NOX4: variants seen among roughly 807,000 people sequenced by gnomAD.
NOX4 encodes the protein NADPH oxidase 4, also known as kidney oxidase-1.
NOX4 carries 69 observed loss-of-function variants against 87.6 expected under a neutral mutation model. The observed-to-expected ratio is 0.79, with a 90% confidence interval of 0.65 to 0.96. NOX4 has a LOEUF of 0.96. NOX4 is among the 40% of genes least tolerant of loss of function. The pLI is 0.00. For synonymous variants in NOX4, 275 were observed against 238.2 expected (o/e 1.15, Z -1.42); for missense variants, 680 against 681.5 (o/e 1.00, Z 0.02).
chr11:89,558,287 C>T, the NOX4 span, among the ~76,000 whole-genome samples: 2 of 152,046 alleles, frequency 1.3e-5, no homozygotes, highest in East Asian at 1.9e-4. Flanking sequence ...TGTACTGTTA[C>T]CCCAATTTAA....
chr11:89,529,431 C>A, the NOX4 span, among the ~76,000 whole-genome samples: 30 of 152,178 alleles, frequency 2.0e-4, no homozygotes, highest in African/African-American at 6.7e-4. Flanking sequence ...AGTGAAGTAG[C>A]CTGATTACAC....
chr11:89,540,123 A>G, the NOX4 span, among the ~76,000 whole-genome samples: 1 of 152,198 alleles, frequency 6.6e-6, no homozygotes, highest in Non-Finnish European at 1.5e-5. Context: ...TACATGCAAC[A>G]TAAAATGCCA....
intron 12 of NOX4, among the ~76,000 whole-genome samples, chr11:89,359,732 C>T (rs1938371425): frequency 6.6e-6 from 1 of 151,810 alleles, no homozygotes; most frequent in South Asian, 2.1e-4. Flanking sequence ...AGGTAATCCC[C>T]CTTCCCTAAC....
Position 89,432,850 on chromosome 11 carries a change from C to T in NOX4, c.482G>A (p.Gly161Asp). ...CACCACCATGCAGACCCCTGTCAGG[C>T]CAGGAACTATAAAAATGTATACAAG... ...PRKLLFTTVP[G>D]LTGVCMVVVL... Residue 161 changes from glycine (G) to aspartate (D), a missense_variant, in exon 7 of 18, where the codon GGC (glycine) becomes GAC (aspartate). By Grantham distance (94) the Gly-to-Asp change is moderately conservative (BLOSUM62 -1). Coordinates refer to ENST00000263317, the MANE Select transcript of NOX4 (RefSeq NM_016931.5). 6.2e-7 allele frequency: 1 copy of T among 1,608,482 alleles called. No homozygotes were observed. The highest frequency in any genetic ancestry group is 8.5e-7 in the Non-Finnish European group (1 of 1,175,766).
chr11:89,543,796 C>G, the NOX4 span, among the ~76,000 whole-genome samples: 1 of 151,950 alleles, frequency 6.6e-6, no homozygotes, highest in Non-Finnish European at 1.5e-5. Context: ...TAGATATTGT[C>G]TGAATTTGAT....
chr11:89,407,521 C>T (rs1282271912), intron 8 of NOX4, among the ~76,000 whole-genome samples: 1 of 152,014 alleles, frequency 6.6e-6, no homozygotes, highest in Admixed American at 6.6e-5. Flanking sequence ...ATTGTTTCTG[C>T]ATTCAAAAGG....
intron 12 of NOX4, among the ~76,000 whole-genome samples, chr11:89,362,169 C>CACAG (rs1365452877): frequency 7.2e-6 from 1 of 138,238 alleles, no homozygotes; most frequent in Non-Finnish European, 1.5e-5. Flanking sequence ...TACACACAGA[C>CACAG]ACAGACACAC....
At chr11:89,490,260 G>T (rs1399866808) in intron 2 of NOX4, among the ~76,000 whole-genome samples, 198 bp downstream of exon 2, 1 of 152,156 alleles carries the variant, frequency 6.6e-6, no homozygotes, top group Non-Finnish European at 1.5e-5. Flanking sequence ...ATTACCTTTG[G>T]TTCTTGAGAG....
intron 2 of NOX4, among the ~76,000 whole-genome samples, chr11:89,467,305 C>A (rs1209033634): frequency 7.4e-6 from 1 of 135,360 alleles, no homozygotes; most frequent in Non-Finnish European, 1.5e-5. Flanking sequence ...GAGGCCAGAT[C>A]GCACCATTGC....
intron 9 of NOX4, 108 bp from the exon 10 acceptor site, chr11:89,400,487 T>A: frequency 1.5e-6 from 1 of 659,378 alleles, no homozygotes; most frequent in African/African-American, 1.9e-5. Context: ...TTTTAATTTG[T>A]ATTTTAAATA....
chr11:89,438,230 T>G (rs1371664831), intron 6 of NOX4, among the ~76,000 whole-genome samples: 1 of 141,418 alleles, frequency 7.1e-6, no homozygotes, highest in Non-Finnish European at 1.5e-5. Flanking sequence ...ATTAGTATAT[T>G]AGTATAACAT....
At chr11:89,584,597 T>C in the NOX4 span, among the ~76,000 whole-genome samples, 1 of 152,270 alleles carries the variant, frequency 6.6e-6, no homozygotes, top group Middle Eastern at 3.4e-3. Flanking sequence ...CAGTTAACAA[T>C]GAACAACTTT....
At chr11:89,402,242 A>T (rs1311838694) in intron 9 of NOX4, 84 bp downstream of exon 9, 69 of 988,816 alleles carry the variant, frequency 7.0e-5, no homozygotes, top group Non-Finnish European at 1.0e-4. Flanking sequence ...ATGAATATAT[A>T]GCTTGAAAAA....
intron 7 of NOX4, 142 bp downstream of exon 7, chr11:89,432,642 T>C: frequency 3.6e-6 from 2 of 561,116 alleles, no homozygotes; most frequent in Non-Finnish European, 6.3e-6. Flanking sequence ...AAGTCATGTA[T>C]AGAAACAGCT....
intron 11 of NOX4, among the ~76,000 whole-genome samples, chr11:89,392,570 T>G (rs1941204865): frequency 6.6e-6 from 1 of 152,266 alleles, no homozygotes; most frequent in Non-Finnish European, 1.5e-5. Flanking sequence ...ACCTTTCATT[T>G]ATATGACAAA....
intron 13 of NOX4, among the ~76,000 whole-genome samples, chr11:89,353,862 G>A (rs570642357): frequency 3.3e-5 from 5 of 152,268 alleles, no homozygotes; most frequent in South Asian, 2.1e-4. Context: ...CAACATGTAC[G>A]TATAGAGCAA....
At chr11:89,426,793 G>T (rs962086994) in intron 7 of NOX4, among the ~76,000 whole-genome samples, 1 of 152,078 alleles carries the variant, frequency 6.6e-6, no homozygotes, top group African/African-American at 2.4e-5. Flanking sequence ...TCCACCTCGG[G>T]GGGCAGGGCA....
At chr11:89,480,130 A>G (rs935792723) in intron 2 of NOX4, among the ~76,000 whole-genome samples, 1 of 152,176 alleles carries the variant, frequency 6.6e-6, no homozygotes, top group Non-Finnish European at 1.5e-5. Flanking sequence ...TAAAGAGTCA[A>G]CTGTATATAC....
At position 89,369,358 on chromosome 11, in the gene NOX4, T is replaced by TA. The variant is rs542780724; in HGVS notation, c.1135+4073dup. Among the ~76,000 whole-genome samples, 120 of 152,110 alleles carry TA rather than the reference T, an allele frequency of 7.9e-4. 1 individual carries two copies. In the East Asian group the frequency reaches 0.021, roughly 26 times the overall value. ...TAAACCATGGCTAAGTGGCAGGAGA[T>TA]AGAGTCACACCAAAACATCTCCAAA... On this transcript the variant is annotated intron_variant, in intron 12 of 17. Transcript: ENST00000263317.
Sources: gnomAD v4.1 joint callset for allele counts (sites outside exome capture counted in the v4.1 genomes callset) on GRCh38, gnomAD v4.1.1 for gene constraint, MANE v1.5 for transcripts, NCBI Gene and HGNC (gene_info 2026-07-23, HGNC 2026-07-21) for gene names.